C7orf25: variants seen among roughly 807,000 people sequenced by gnomAD.
C7orf25 encodes UPF0415 protein C7orf25.
C7orf25 carries 14 observed loss-of-function variants against 25.5 expected under a neutral mutation model. That is an observed-to-expected ratio of 0.55 (90% CI 0.36 to 0.86). The LOEUF is 0.86. Among genes scored for constraint, C7orf25 ranks in the 40% least tolerant of loss-of-function variants. C7orf25 has a pLI of 0.01. For missense variants in C7orf25, 405 were observed against 493.9 expected (o/e 0.82, Z 1.71); for synonymous variants, 184 against 179.9 (o/e 1.02, Z -0.18).
intron 1 of C7orf25, 199 bp from the exon 2 acceptor site, chr7:42,911,120 C>G (rs1440627876): frequency 2.2e-6 from 2 of 928,650 alleles, no homozygotes; most frequent in Admixed American, 4.0e-5. Flanking sequence ...CTTTTGAACT[C>G]TTCTTTAGGT....
In C7orf25 at chr7:42,909,592, G is replaced by A. The variant is rs1785831185; in HGVS notation, c.*43C>T. On this transcript the variant is annotated 3_prime_UTR_variant, in exon 2 of 2. Transcript: ENST00000350427. Reference sequence around the variant, plus strand: ...GTTTAGATGGGAAGACCCAGCCTTTGGTATAAATAACTTACTTCCACAAAA... The same window carrying A: ...GTTTAGATGGGAAGACCCAGCCTTTAGTATAAATAACTTACTTCCACAAAA... The A allele has an allele frequency of 1.3e-6, 2 of 1,557,206 alleles. No individual in the cohort carries two copies. Among genetic ancestry groups the A allele is most frequent in the Non-Finnish European group, 1.7e-6 (2 of 1,154,542 alleles).
rs756572956 is a variant in C7orf25, at chr7:42,909,409, G to T, written c.*226C>A. On this transcript the variant is annotated 3_prime_UTR_variant, in exon 2 of 2. Coordinates refer to ENST00000350427, the MANE Select transcript of C7orf25 (RefSeq NM_001099858.2). ...TGAAAGCTTTATATAGACGTATTTC[G>T]GTTCTTAATTGCACTAATGCAGACA... 1 of 486,372 alleles carries T rather than the reference G, an allele frequency of 2.1e-6. No homozygotes were observed. Among genetic ancestry groups the T allele is most frequent in the Non-Finnish European group, 3.6e-6 (1 of 279,456 alleles). 30.1% of individuals were successfully genotyped at this position (486,372 alleles called of 1,614,324 possible).
Position 42,910,556 on chromosome 7 carries a change from A to G in C7orf25, c.345T>C (p.Thr115=). Reference sequence around the variant, plus strand: ...CCTTCCGGCCAATGGCTTTCACCCAAGTATGACCACCATTTGCAACTACAT... The same window carrying G: ...CCTTCCGGCCAATGGCTTTCACCCAGGTATGACCACCATTTGCAACTACAT... ...VVDVVANGGH[T]WVKAIGRKAE... Residue 115 remains threonine (T), a synonymous_variant, in exon 2 of 2, where the codon ACT becomes ACC. Coordinates refer to ENST00000350427, the MANE Select transcript of C7orf25 (RefSeq NM_001099858.2). 1 of 1,614,238 alleles carries G rather than the reference A, an allele frequency of 6.2e-7. No individual in the cohort carries two copies. The highest frequency in any genetic ancestry group is 1.1e-5 in the South Asian group (1 of 91,088).
At position 42,910,040 on chromosome 7, in the gene C7orf25, C is replaced by T. The variant is rs767809443; in HGVS notation, c.861G>A (p.Gln287=). The T allele has an allele frequency of 2.5e-6, 4 of 1,614,174 alleles. No homozygotes were observed. The highest frequency in any genetic ancestry group is 1.3e-5 in the African/African-American group (1 of 75,034). ...TAAAGGCCTCCAGCTGAGGTAGAAC[C>T]TGCTCTTTCCTCTCTTGCTCTGCTT... ...TEQAEQERKE[Q]VLPQLEAFMK... is the part of the protein sequence containing the mutation. The change falls in exon 2 of 2, where the codon CAG becomes CAA. Residue 287 remains glutamine, a synonymous_variant. Transcript: ENST00000350427.
At position 42,911,658 on chromosome 7, in the gene C7orf25, T is replaced by A. The variant is rs573821500; in HGVS notation, c.-22+257A>T. 9 of 1,115,208 alleles carry A rather than the reference T, an allele frequency of 8.1e-6. No homozygotes were observed. The African/African-American group carries it at 1.5e-4, about 18-fold the overall frequency. 69.1% of individuals were successfully genotyped at this position (1,115,208 alleles called of 1,614,324 possible). A position where few individuals can be genotyped will look rare whatever the true frequency, so the allele number is the denominator to read the frequency against. ...AGCGGCCCCAGCGCAGGTCGCCGGG[T>A]GGGCGGGCCAGAGGCCGGCGGGGCC... is the stretch of plus-strand genomic sequence containing the variant. On this transcript the variant is annotated intron_variant, in intron 1 of 1. Coordinates refer to ENST00000350427, the MANE Select transcript of C7orf25 (RefSeq NM_001099858.2).
chr7:42,910,062 G>A lies in C7orf25; in HGVS notation c.839C>T (p.Ala280Val). The A allele has an allele frequency of 6.2e-7, 1 of 1,614,116 alleles. No individual in the cohort carries two copies. Among genetic ancestry groups the A allele is most frequent in the Non-Finnish European group, 8.5e-7 (1 of 1,180,038 alleles). The change falls in exon 2 of 2, where the codon GCA becomes GTA. Residue 280 changes from alanine (A) to valine (V), a missense_variant. Physicochemically the swap from Ala to Val is moderately conservative, Grantham distance 64. Transcript: ENST00000350427. The stretch of plus-strand genomic sequence containing the variant: ...AACCTGCTCTTTCCTCTCTTGCTCT[G>A]CTTGTTCTGTGAGCACTTTCTCTTT... ...IFKEKVLTEQ[A>V]EQERKEQVLP...
In C7orf25 at chr7:42,910,316, G is replaced by A. The variant is rs764154217; in HGVS notation, c.585C>T (p.Val195=). 2 of 1,614,064 alleles carry A rather than the reference G, an allele frequency of 1.2e-6. No individual in the cohort carries two copies. Among genetic ancestry groups the A allele is most frequent in the Non-Finnish European group, 1.7e-6 (2 of 1,180,048 alleles). The part of the protein sequence containing the change: ...GISVRGDIVA[V]NALLDHPEEL... ...CTTCAGGGTGATCTAACAGAGCGTT[G>A]ACTGCTACTATGTCTCCTCTCACAG... The change falls in exon 2 of 2, where the codon GTC becomes GTT. Residue 195 remains valine (V), a synonymous_variant. Transcript: ENST00000350427.
Position 42,910,475 on chromosome 7 carries a change from G to A in C7orf25, c.426C>T (p.Ile142=). Residue 142 remains isoleucine (I), a synonymous_variant, in exon 2 of 2, where the codon ATC becomes ATT. Transcript: ENST00000350427. ...GGAGGAAGTCTTCAGCCTGCTCAAT[G>A]ATGCTTTTGTCACCATATTGGCCCC... ...LGRGQYGDKS[I]IEQAEDFLQA... 6.2e-7 allele frequency: 1 copy of A among 1,614,230 alleles called. No homozygotes were observed. Among genetic ancestry groups the A allele is most frequent in the Non-Finnish European group, 8.5e-7 (1 of 1,180,046 alleles).
chr7:42,909,434 A>C lies in C7orf25; in HGVS notation c.*201T>G. 1.8e-6 allele frequency: 1 copy of C among 570,424 alleles called. No individual in the cohort carries two copies. Among genetic ancestry groups the C allele is most frequent in the Non-Finnish European group, 3.0e-6 (1 of 333,928 alleles). 35.3% of individuals were successfully genotyped at this position (570,424 alleles called of 1,614,324 possible). A position where few individuals can be genotyped will look rare whatever the true frequency, so the allele number is the denominator to read the frequency against. ...GGTTCTTAATTGCACTAATGCAGAC[A>C]GTTTGATAGATAAGCTTCTCTCTTG... is the stretch of plus-strand genomic sequence containing the variant. On this transcript the variant is annotated 3_prime_UTR_variant, in exon 2 of 2. Coordinates refer to ENST00000350427, the MANE Select transcript of C7orf25 (RefSeq NM_001099858.2).
Position 42,911,995 on chromosome 7 carries a change from C to G in C7orf25, c.-102G>C. 1 of 1,493,360 alleles carries G rather than the reference C, an allele frequency of 6.7e-7. No homozygotes were observed. The highest frequency in any genetic ancestry group is 1.5e-5 in the African/African-American group (1 of 68,680). 92.5% of individuals were successfully genotyped at this position (1,493,360 alleles called of 1,614,324 possible). A position where few individuals can be genotyped will look rare whatever the true frequency, so the allele number is the denominator to read the frequency against. ...GACCCGCCGGGAAATCTCAACCGGG[C>G]AGCCCCCACCCCGCTCGAACGCCGA... is the stretch of plus-strand genomic sequence containing the variant. On this transcript the variant is annotated 5_prime_UTR_variant, in exon 1 of 2. Transcript: ENST00000350427.
chr7:42,909,800 G>A lies in C7orf25; in HGVS notation c.1101C>T (p.Thr367=). The change falls in exon 2 of 2, where the codon ACC becomes ACT. Residue 367 remains threonine, a synonymous_variant. Coordinates refer to ENST00000350427, the MANE Select transcript of C7orf25 (RefSeq NM_001099858.2). ...RSLTIFGTGD[T]LKAITMTANS... is the part of the protein sequence containing the mutation. ...TAGCAGTCATTGTGATGGCTTTTAG[G>A]GTGTCTCCCGTCCCAAAAATTGTTA... 1 of 1,613,978 alleles carries A rather than the reference G, an allele frequency of 6.2e-7. No homozygotes were observed. Among genetic ancestry groups the A allele is most frequent in the South Asian group, 1.1e-5 (1 of 91,072 alleles).
intron 1 of C7orf25, chr7:42,911,215 G>A: frequency 1.7e-6 from 1 of 604,978 alleles, no homozygotes; most frequent in Non-Finnish European, 2.7e-6. Context: ...TACAATGCAA[G>A]AGTTGGGCAA....
In C7orf25 at chr7:42,910,193, A is replaced by G; in HGVS notation, c.708T>C (p.Phe236=). 1 of 1,614,224 alleles carries G rather than the reference A, an allele frequency of 6.2e-7. No homozygotes were observed. Among genetic ancestry groups the G allele is most frequent in the South Asian group, 1.1e-5 (1 of 91,086 alleles). The change falls in exon 2 of 2, where the codon TTT becomes TTC. Residue 236 remains phenylalanine (F), a synonymous_variant. Coordinates refer to ENST00000350427, the MANE Select transcript of C7orf25 (RefSeq NM_001099858.2). The part of the protein sequence containing the change: ...DRENILASVA[F]PTEIKVDVCK... ...ACACATCGACCTTAATTTCTGTTGG[A>G]AACGCAACACTTGCTAGTATATTTT...
intron 1 of C7orf25, 114 bp from the exon 2 acceptor site, chr7:42,911,035 T>C (rs1785882136): frequency 6.5e-7 from 1 of 1,537,978 alleles, no homozygotes; most frequent in African/African-American, 1.4e-5. Context: ...GGTGAGTCTA[T>C]GAACCCGGGC....
At position 42,909,421 on chromosome 7, in the gene C7orf25, C is replaced by T. The variant is rs1202258759; in HGVS notation, c.*214G>A. 1.9e-6 allele frequency: 1 copy of T among 524,548 alleles called. No individual in the cohort carries two copies. Among genetic ancestry groups the T allele is most frequent in the Non-Finnish European group, 3.3e-6 (1 of 304,540 alleles). 32.5% of individuals were successfully genotyped at this position (524,548 alleles called of 1,614,324 possible). A position where few individuals can be genotyped will look rare whatever the true frequency, so the allele number is the denominator to read the frequency against. ...ATAGACGTATTTCGGTTCTTAATTG[C>T]ACTAATGCAGACAGTTTGATAGATA... On this transcript the variant is annotated 3_prime_UTR_variant, in exon 2 of 2. Transcript: ENST00000350427.
At chr7:42,911,094 A>C (rs907901395) in intron 1 of C7orf25, 173 bp from the exon 2 acceptor site, 1 of 1,103,292 alleles carries the variant, frequency 9.1e-7, no homozygotes, top group African/African-American at 1.5e-5. Context: ...TAGCTAAGGA[A>C]AGGATGGCAG....
At position 42,910,222 on chromosome 7, in the gene C7orf25, G is replaced by T. The variant is rs746746404; in HGVS notation, c.679C>A (p.Arg227=). The change falls in exon 2 of 2, where the codon CGA becomes AGA. Residue 227 remains arginine (R), a synonymous_variant. Coordinates refer to ENST00000350427, the MANE Select transcript of C7orf25 (RefSeq NM_001099858.2). ...GCAACACTTGCTAGTATATTTTCTC[G>T]GTCAACTCTGGTCACCTGCAAAAGT... is the stretch of plus-strand genomic sequence containing the variant. ...PELLQVTRVD[R]ENILASVAFP... 39 of 1,613,878 alleles carry T rather than the reference G, an allele frequency of 2.4e-5. No homozygotes were observed. In the South Asian group the frequency reaches 4.1e-4, roughly 17 times the overall value.
chr7:42,911,067 G>C (rs745729023), intron 1 of C7orf25, 146 bp from the exon 2 acceptor site: 36 of 1,319,522 alleles, frequency 2.7e-5, no homozygotes, highest in Non-Finnish European at 3.6e-5. Context: ...TCATTCTGGA[G>C]TGACTGCTTC....
rs1785844021 is a variant in C7orf25 at position 42,909,944 on chromosome 7, T to C, written c.957A>G (p.Gly319=). 6.2e-7 allele frequency: 1 copy of C among 1,614,078 alleles called. No homozygotes were observed. Among genetic ancestry groups the C allele is most frequent in the Non-Finnish European group, 8.5e-7 (1 of 1,180,056 alleles). ...TGGCCCTCTCTCTCTCCCCAGGTCC[T>C]CCTAAGGTATCTAAAATAGACTGAA... ...KDFQSILDTL[G]GPGERERATV... is the part of the protein sequence containing the mutation. Residue 319 remains glycine (G), a synonymous_variant, in exon 2 of 2, where the codon GGA becomes GGG. Transcript: ENST00000350427.
Sources: gnomAD v4.1 joint callset for allele counts on GRCh38, gnomAD v4.1.1 for gene constraint, MANE v1.5 for transcripts, NCBI Gene and HGNC (gene_info 2026-07-23, HGNC 2026-07-21) for gene names.